The following ATF6 variants were observed in gnomAD, a reference collection of about 807,000 sequenced individuals.
ATF6 encodes the protein cyclic AMP-dependent transcription factor ATF-6 alpha.
Under a neutral mutation model 83.6 loss-of-function variants are expected in ATF6, and 53 were observed. That is an observed-to-expected ratio of 0.63 (90% CI 0.51 to 0.80). The LOEUF (loss-of-function observed/expected upper bound fraction) is 0.80. Ranked by LOEUF, ATF6 falls within the 30% of genes least tolerant of loss-of-function variation. ATF6 has a pLI of 0.00. For synonymous variants in ATF6, 288 were observed against 285.8 expected, an observed-to-expected ratio of 1.01 and a Z score of -0.08; for missense variants, 744 against 797.9, an observed-to-expected ratio of 0.93 and a Z score of 0.81.
chr1:161,855,749 A>T (rs895876753), intron 12 of ATF6, among the ~76,000 whole-genome samples: 1 of 152,234 alleles, frequency 6.6e-6, no homozygotes, highest in Admixed American at 6.5e-5. Flanking sequence ...GAAAGTTTTT[A>T]AAGAAGGGGA....
chr1:161,923,673 A>G (rs536287793), intron 15 of ATF6, among the ~76,000 whole-genome samples: 1 of 152,274 alleles, frequency 6.6e-6, no homozygotes, highest in African/African-American at 2.4e-5. Flanking sequence ...TATTCATTGT[A>G]TTTGATTTAC....
In ATF6 at chr1:161,791,494, A is replaced by T; in HGVS notation, c.441A>T (p.Pro147=). The T allele has an allele frequency of 6.2e-7, 1 of 1,612,476 alleles. No individual in the cohort carries two copies. Among genetic ancestry groups the T allele is most frequent in the Non-Finnish European group, 8.5e-7 (1 of 1,179,400 alleles). The part of the protein sequence containing the change: ...ENSNSLSSAE[P]LKEDKPVTGP... ...CTAATAGTCTCTCTTCAGCGGAGCC[A>T]CTGAAGGAAGATAAGCCTGTCACTG... Residue 147 remains proline, a synonymous_variant, in exon 5 of 16, where the codon CCA becomes CCT. Coordinates refer to ENST00000367942, the MANE Select transcript of ATF6 (RefSeq NM_007348.4).
At chr1:161,871,803 G>A (rs1276957386) in intron 14 of ATF6, among the ~76,000 whole-genome samples, 1 of 151,382 alleles carries the variant, frequency 6.6e-6, no homozygotes, top group African/African-American at 2.4e-5. Context: ...ATGTAGATTT[G>A]CTTTTTTCCT....
chr1:161,793,684 G>T (rs534637309), intron 6 of ATF6, among the ~76,000 whole-genome samples: 1 of 152,310 alleles, frequency 6.6e-6, no homozygotes, highest in East Asian at 1.9e-4. Context: ...AGCGTATAAA[G>T]CAGGGGTATT....
chr1:161,912,470 A>C lies in ATF6; in HGVS notation c.1804+90A>C, dbSNP rs868868056. ...TAGTTCAAAGACATTTAAAATGTTC[A>C]GTTAAATGAGTATATATCCGTACAT... On this transcript the variant is annotated intron_variant, in intron 15 of 15. Transcript: ENST00000367942. 27 of 750,250 alleles carry C rather than the reference A, an allele frequency of 3.6e-5. No homozygotes were observed. In the Middle Eastern group the frequency reaches 2.7e-3, roughly 74 times the overall value. The allele number at this position is 750,250 out of a possible 1,614,324, so 46.5% of individuals were successfully genotyped here.
intron 9 of ATF6, among the ~76,000 whole-genome samples, chr1:161,838,445 C>T (rs1037656465): frequency 6.6e-6 from 1 of 152,120 alleles, no homozygotes; most frequent in Non-Finnish European, 1.5e-5. Flanking sequence ...ACAGACAGTT[C>T]TTCTTTGCCT....
At chr1:161,884,994 G>T (rs556657287) in intron 14 of ATF6, among the ~76,000 whole-genome samples, 1 of 152,050 alleles carries the variant, frequency 6.6e-6, no homozygotes, top group Admixed American at 6.6e-5. Context: ...ATAAATGGAG[G>T]TGTCTATAGA....
At chr1:161,851,700 A>C in intron 10 of ATF6, 22 bp from the exon 11 acceptor site, 1 of 1,563,704 alleles carries the variant, frequency 6.4e-7, no homozygotes, top group Non-Finnish European at 8.8e-7. Flanking sequence ...AAGGAAACAA[A>C]TTTTGTGCAT....
intron 7 of ATF6, among the ~76,000 whole-genome samples, chr1:161,807,011 T>C (rs1371778880): frequency 6.6e-6 from 1 of 152,066 alleles, no homozygotes; most frequent in Non-Finnish European, 1.5e-5. Flanking sequence ...GAATCTACCA[T>C]GTGTATAGCA....
chr1:161,796,484 C>T (rs1685024710), intron 6 of ATF6, among the ~76,000 whole-genome samples: 1 of 152,168 alleles, frequency 6.6e-6, no homozygotes, highest in Non-Finnish European at 1.5e-5. Flanking sequence ...GGGGTAGTAG[C>T]TTTATGGCAT....
intron 10 of ATF6, among the ~76,000 whole-genome samples, chr1:161,848,947 T>C (rs1043536616): frequency 1.1e-4 from 17 of 151,870 alleles, no homozygotes; most frequent in African/African-American, 3.4e-4. Flanking sequence ...TTTTTTTTTT[T>C]CCAAAGAATA....
At chr1:161,813,282 A>G (rs532532629) in intron 7 of ATF6, among the ~76,000 whole-genome samples, 1 of 152,314 alleles carries the variant, frequency 6.6e-6, no homozygotes, top group South Asian at 2.1e-4. Flanking sequence ...CCTTATTTGA[A>G]TAATTTGGTG....
chr1:161,933,341 G>A (rs904432566), intron 15 of ATF6, among the ~76,000 whole-genome samples: 4 of 152,168 alleles, frequency 2.6e-5, no homozygotes, highest in Admixed American at 1.3e-4. Context: ...ATGTGTATAT[G>A]TATTATTTTT....
intron 9 of ATF6, 118 bp from the exon 10 acceptor site, chr1:161,846,329 GCA>G: frequency 9.0e-7 from 1 of 1,112,110 alleles, no homozygotes; most frequent in Non-Finnish European, 1.2e-6. Context: ...TCTATGCCTA[GCA>G]TTTTTGTTAC....
At chr1:161,832,932 G>T (rs1351871620) in intron 9 of ATF6, among the ~76,000 whole-genome samples, 1 of 152,220 alleles carries the variant, frequency 6.6e-6, no homozygotes. Context: ...TGCAGCTTGA[G>T]ATCTGAGAAC....
intron 14 of ATF6, among the ~76,000 whole-genome samples, chr1:161,864,185 GA>G (rs1412630704): frequency 6.6e-6 from 1 of 150,912 alleles, no homozygotes; most frequent in Non-Finnish European, 1.5e-5. Flanking sequence ...TTTTTTTTAA[GA>G]ATACACTGGG....
intron 12 of ATF6, among the ~76,000 whole-genome samples, chr1:161,859,951 G>A (rs1686848214): frequency 6.6e-6 from 1 of 152,186 alleles, no homozygotes; most frequent in South Asian, 2.1e-4. Context: ...GTGGTGCTTG[G>A]ACTAGCTTTT....
chr1:161,907,068 C>T (rs774100433), intron 14 of ATF6, among the ~76,000 whole-genome samples: 22 of 152,048 alleles, frequency 1.4e-4, no homozygotes, highest in Non-Finnish European at 2.9e-4. Flanking sequence ...CCCAAATTGC[C>T]ATTGCTTTAA....
chr1:161,925,455 G>A (rs934006660), intron 15 of ATF6, among the ~76,000 whole-genome samples: 1 of 77,826 alleles, frequency 1.3e-5, no homozygotes, highest in East Asian at 3.0e-4. Flanking sequence ...ATTAGATACA[G>A]TTTAAGTTCC....
Sources: gnomAD v4.1 joint callset for allele counts (sites outside exome capture counted in the v4.1 genomes callset) on GRCh38, gnomAD v4.1.1 for gene constraint, MANE v1.5 for transcripts, NCBI Gene and HGNC (gene_info 2026-07-23, HGNC 2026-07-21) for gene names.